COL14A1: variants seen among roughly 807,000 people sequenced by gnomAD.
COL14A1 encodes the protein collagen type XIV alpha 1 chain.
A neutral mutation model predicts 230.3 loss-of-function variants in COL14A1; 136 were observed. The ratio of observed to expected loss-of-function variants is 0.59; its 90% CI spans 0.51 to 0.68. The LOEUF is 0.68. Among genes scored for constraint, COL14A1 ranks in the 30% least tolerant of loss-of-function variants. The pLI is 0.00. For synonymous variants in COL14A1, 792 were observed against 784.1 expected (o/e 1.01, Z -0.17); for missense variants, 1,976 against 2,215.8 (o/e 0.89, Z 2.17).
rs796936813 is a variant in COL14A1, at chr8:120,304,740, A to G, written c.4401+3922A>G. 1.6e-4 allele frequency among the ~76,000 whole-genome samples: 25 copies of G among 152,256 alleles called. 1 individual carries two copies. The highest frequency in any genetic ancestry group is 6.0e-4 in the African/African-American group (25 of 41,548). On this transcript the variant is annotated intron_variant, in intron 36 of 47. Coordinates refer to ENST00000297848, the MANE Select transcript of COL14A1 (RefSeq NM_021110.4). Reference sequence around the variant, plus strand: ...TTCCAGCCAGTTGGAAAGGGAGAAAATGGTTGAGGACAGCATTTGGTTTTC... The same window carrying G: ...TTCCAGCCAGTTGGAAAGGGAGAAAGTGGTTGAGGACAGCATTTGGTTTTC...
chr8:120,370,344 C>A (rs779397965), intron 47 of COL14A1: 13 of 1,611,842 alleles, frequency 8.1e-6, no homozygotes, highest in Non-Finnish European at 9.3e-6. Context: ...AGATCTGATC[C>A]CCTACAATGA....
chr8:120,158,617 A>G (rs1385836739), intron 3 of COL14A1, among the ~76,000 whole-genome samples: 2 of 152,240 alleles, frequency 1.3e-5, no homozygotes, highest in Non-Finnish European at 2.9e-5. Context: ...ATTCAGCATT[A>G]TACATTGAAA....
intron 5 of COL14A1, among the ~76,000 whole-genome samples, chr8:120,180,739 G>A (rs1200933041): frequency 3.1e-5 from 4 of 129,882 alleles, no homozygotes; most frequent in Admixed American, 1.1e-4. Flanking sequence ...ACGGAGTCTC[G>A]GTCTGTTTCC....
intron 8 of COL14A1, among the ~76,000 whole-genome samples, chr8:120,200,717 A>ATT (rs1817213052): frequency 8.8e-4 from 4 of 4,558 alleles, no homozygotes; most frequent in African/African-American, 3.2e-3. Flanking sequence ...TTTCCTATTT[A>ATT]TATATATATA....
rs141877569 is a variant in COL14A1 at position 120,336,285 on chromosome 8, C to T, written c.4785+3550C>T. On this transcript the variant is annotated intron_variant, in intron 42 of 47. Transcript: ENST00000297848. Reference sequence around the variant, plus strand: ...CCCCTAAGCTGAGGGGTGGGAGTAGCGGCTTCAGGAGCATTTAGATGAGAT... The same window carrying T: ...CCCCTAAGCTGAGGGGTGGGAGTAGTGGCTTCAGGAGCATTTAGATGAGAT... 6.0e-3 allele frequency among the ~76,000 whole-genome samples: 918 copies of T among 152,186 alleles called. 9 individuals are homozygous for T. Among genetic ancestry groups the T allele is most frequent in the African/African-American group, 0.02 (810 of 41,528 alleles).
intron 38 of COL14A1, among the ~76,000 whole-genome samples, chr8:120,314,449 C>T (rs1821144263): frequency 6.6e-6 from 1 of 152,110 alleles, no homozygotes; most frequent in South Asian, 2.1e-4. Flanking sequence ...TCTCAAATGG[C>T]ATCAAAGTGC....
At chr8:120,262,634 T>G (rs1177036421) in intron 23 of COL14A1, among the ~76,000 whole-genome samples, 1 of 152,222 alleles carries the variant, frequency 6.6e-6, no homozygotes, top group Non-Finnish European at 1.5e-5. Context: ...CAGAAGTCTT[T>G]TAATAGTAAA....
intron 40 of COL14A1, among the ~76,000 whole-genome samples, chr8:120,328,604 A>G (rs1237820004): frequency 6.6e-6 from 1 of 152,158 alleles, no homozygotes; most frequent in East Asian, 1.9e-4. Flanking sequence ...ATGTAGGAGC[A>G]ACATGTCATC....
rs564257379 is a variant in COL14A1, at chr8:120,293,595, G to A, written c.4236+3829G>A. Among the ~76,000 whole-genome samples the A allele has an allele frequency of 6.6e-5, 10 of 151,902 alleles. No homozygotes were observed. In the East Asian group the frequency reaches 1.9e-3, roughly 29 times the overall value. ...GGTCAGGTCCCCTTTCAAAAAGTGA[G>A]AGTACTGAAATAAGAGACTGTATCC... On this transcript the variant is annotated intron_variant, in intron 34 of 47. Transcript: ENST00000297848.
chr8:120,278,087 A>G, intron 26 of COL14A1, 24 bp from the exon 27 acceptor site: 3 of 1,581,654 alleles, frequency 1.9e-6, no homozygotes, highest in Non-Finnish European at 2.6e-6. Context: ...TATGTGTGAA[A>G]ATGAATACAC....
Position 120,203,849 on chromosome 8 carries a change from G to C in COL14A1, c.1018G>C (p.Glu340Gln), listed in dbSNP as rs267601750. The change falls in exon 9 of 48, where the codon GAA (glutamate) becomes CAA (glutamine). Residue 340 changes from glutamate to glutamine, a missense_variant. Glu to Gln is a conservative substitution (Grantham distance 29). Coordinates refer to ENST00000297848, the MANE Select transcript of COL14A1 (RefSeq NM_021110.4). ...CAGGACTCTCTGCTCTAGAGTGGAAGAACAGGACAGAGAAATTAAAGGTAA... is the reference window on the plus strand; with the variant it reads ...CAGGACTCTCTGCTCTAGAGTGGAACAACAGGACAGAGAAATTAAAGGTAA... ...LTRTLCSRVEEQDREIKASAH... is the reference protein window; with the variant it reads ...LTRTLCSRVEQQDREIKASAH... 6 of 1,613,786 alleles carry C rather than the reference G, an allele frequency of 3.7e-6. No homozygotes were observed. Among genetic ancestry groups the C allele is most frequent in the Non-Finnish European group, 5.1e-6 (6 of 1,179,800 alleles).
At chr8:120,339,974 G>T (rs1453282245) in intron 42 of COL14A1, among the ~76,000 whole-genome samples, 1 of 151,394 alleles carries the variant, frequency 6.6e-6, no homozygotes, top group Non-Finnish European at 1.5e-5. Context: ...GGAGCCAGAG[G>T]CTGCAGTGAG....
intron 34 of COL14A1, among the ~76,000 whole-genome samples, chr8:120,293,141 T>C (rs1199765214): frequency 6.6e-6 from 1 of 152,028 alleles, no homozygotes; most frequent in East Asian, 1.9e-4. Flanking sequence ...TACAATCATA[T>C]TTCTTAGTGC....
At chr8:120,216,571 C>G in intron 14 of COL14A1, 81 bp downstream of exon 14, 2 of 1,356,046 alleles carry the variant, frequency 1.5e-6, no homozygotes, top group South Asian at 2.9e-5. Context: ...CATCTCAAAG[C>G]CTAGTGGCTT....
intron 13 of COL14A1, among the ~76,000 whole-genome samples, chr8:120,214,971 A>G (rs1817707536): frequency 6.6e-6 from 1 of 152,236 alleles, no homozygotes; most frequent in East Asian, 1.9e-4. Context: ...CCTATGAATG[A>G]GCATGCGTGG....
chr8:120,199,309 C>A, intron 7 of COL14A1, 93 bp from the exon 8 acceptor site: 1 of 1,174,768 alleles, frequency 8.5e-7, no homozygotes, highest in Non-Finnish European at 1.1e-6. Context: ...GTCTATGGCT[C>A]AATAGGTTAC....
chr8:120,331,729 C>G (rs1053290448), intron 40 of COL14A1, among the ~76,000 whole-genome samples: 8 of 152,220 alleles, frequency 5.3e-5, no homozygotes, highest in African/African-American at 1.7e-4. Flanking sequence ...TATTGTAGTA[C>G]TCCTAATGAA....
intron 14 of COL14A1, among the ~76,000 whole-genome samples, chr8:120,218,218 A>C (rs1458900053): frequency 1.9e-4 from 27 of 138,676 alleles, no homozygotes; most frequent in African/African-American, 5.6e-4. Context: ...TATAATATAT[A>C]AATATAAATA....
At chr8:120,347,617 C>A (rs1008247105) in intron 45 of COL14A1, among the ~76,000 whole-genome samples, 1 of 152,144 alleles carries the variant, frequency 6.6e-6, no homozygotes, top group Non-Finnish European at 1.5e-5. Context: ...CCTGTCTTTC[C>A]ACTAAGTCAA....
Sources: gnomAD v4.1 joint callset for allele counts (sites outside exome capture counted in the v4.1 genomes callset) on GRCh38, gnomAD v4.1.1 for gene constraint, MANE v1.5 for transcripts, NCBI Gene and HGNC (gene_info 2026-07-23, HGNC 2026-07-21) for gene names.